SELENOM: variants seen among roughly 807,000 people sequenced by gnomAD.
SELENOM encodes the protein selenoprotein M.
SELENOM carries 17 observed loss-of-function variants against 14.5 expected under a neutral mutation model. That is an observed-to-expected ratio of 1.17 (90% CI 0.80 to 1.76). The LOEUF (loss-of-function observed/expected upper bound fraction) is 1.76. SELENOM is among the 40% of genes most tolerant of loss of function. The pLI is 0.00. For synonymous variants in SELENOM, 102 were observed against 93.3 expected (o/e 1.09, Z -0.54); for missense variants, 230 against 204.6 (o/e 1.12, Z -0.76).
chr22:31,107,265 A>T, intron 1 of SELENOM, 112 bp downstream of exon 1: 2 of 1,317,910 alleles, frequency 1.5e-6, no homozygotes, highest in Non-Finnish European at 2.0e-6. Context: ...GCCAGGGGGA[A>T]AGCAGGGAGA....
At chr22:31,106,510 C>A in intron 1 of SELENOM, 1 of 168,514 alleles carries the variant, frequency 5.9e-6, no homozygotes, top group Middle Eastern at 5.1e-4. Context: ...GGGAGGGCTC[C>A]TCCCTGCCTT....
At chr22:31,107,267 G>T in intron 1 of SELENOM, 110 bp downstream of exon 1, 2 of 1,333,328 alleles carry the variant, frequency 1.5e-6, no homozygotes, top group Non-Finnish European at 2.0e-6. Context: ...CAGGGGGAAA[G>T]CAGGGAGACT....
chr22:31,104,826 T>TG lies in SELENOM; in HGVS notation c.*143dup, dbSNP rs1183445342. ...AGCTGGGGAAGGAAGAAAGTGGGGT[T>TG]GGGAGAACCTCCCCAACCCCATCCC... On this transcript the variant is annotated 3_prime_UTR_variant, in exon 5 of 5. Coordinates refer to ENST00000400299, the MANE Select transcript of SELENOM (RefSeq NM_080430.4). The TG allele has an allele frequency of 2.6e-6, 2 of 766,812 alleles. No individual in the cohort carries two copies. Among genetic ancestry groups the TG allele is most frequent in the South Asian group, 4.0e-5 (2 of 49,816 alleles). The allele number at this position is 766,812 out of a possible 1,614,324, so 47.5% of individuals were successfully genotyped here.
chr22:31,104,815 G>C lies in SELENOM; in HGVS notation c.*155C>G. On this transcript the variant is annotated 3_prime_UTR_variant, in exon 5 of 5. Coordinates refer to ENST00000400299, the MANE Select transcript of SELENOM (RefSeq NM_080430.4). ...GAATTTAGTGGAGCTGGGGAAGGAA[G>C]AAAGTGGGGTTGGGAGAACCTCCCC... The C allele has an allele frequency of 1.3e-6, 1 of 759,384 alleles. No homozygotes were observed. Among genetic ancestry groups the C allele is most frequent in the Non-Finnish European group, 2.0e-6 (1 of 499,356 alleles). 47.0% of individuals were successfully genotyped at this position (759,384 alleles called of 1,614,324 possible).
intron 1 of SELENOM, chr22:31,106,823 A>C: frequency 6.6e-6 from 1 of 152,280 alleles, no homozygotes. Context: ...CCGAACGGGA[A>C]TTTCCTGGTT....
chr22:31,105,382 G>T, intron 3 of SELENOM, 96 bp from the exon 4 acceptor site: 1 of 1,295,864 alleles, frequency 7.7e-7, no homozygotes, highest in Non-Finnish European at 1.1e-6. Flanking sequence ...TTTGCTCAGA[G>T]CTTACTCTGT....
Position 31,107,332 on chromosome 22 carries a change from G to A in SELENOM, c.129+45C>T, listed in dbSNP as rs773041642. Reference sequence around the variant, plus strand: ...CGGACGGTGCTCCCATGGGGCCGCAGGGTTGGGGAACGATAGTGCCGGGGC... The same window carrying A: ...CGGACGGTGCTCCCATGGGGCCGCAAGGTTGGGGAACGATAGTGCCGGGGC... On this transcript the variant is annotated intron_variant, in intron 1 of 4. Transcript: ENST00000400299. The A allele has an allele frequency of 8.9e-6, 14 of 1,565,520 alleles. No homozygotes were observed. The South Asian group carries it at 1.6e-4, about 18-fold the overall frequency.
chr22:31,105,552 C>G lies in SELENOM; in HGVS notation c.200+106G>C, dbSNP rs912730491. 5 of 1,187,624 alleles carry G rather than the reference C, an allele frequency of 4.2e-6. No individual in the cohort carries two copies. The African/African-American group carries it at 7.5e-5, about 18-fold the overall frequency. 73.6% of individuals were successfully genotyped at this position (1,187,624 alleles called of 1,614,324 possible). On this transcript the variant is annotated intron_variant, in intron 3 of 4. Coordinates refer to ENST00000400299, the MANE Select transcript of SELENOM (RefSeq NM_080430.4). ...GAATCCTCTGGGAGCCACTACCAAT[C>G]AATTCAACTTGTCAGTTGAAAACCA...
Position 31,107,467 on chromosome 22 carries a change from A to AAGC in SELENOM, c.36_38dup (p.Leu14dup), listed in dbSNP as rs779018553. 1.3e-6 allele frequency: 2 copies of AAGC among 1,560,650 alleles called. No homozygotes were observed. Among genetic ancestry groups the AAGC allele is most frequent in the Non-Finnish European group, 1.7e-6 (2 of 1,155,208 alleles). The stretch of plus-strand genomic sequence containing the variant: ...TGGCTGGGGCCACAAGCGCCGCGAG[A>AAGC]AGCAGCAGCAGCGCCAGCGGAGGCA... On this transcript the variant is annotated inframe_insertion, in exon 1 of 5. Transcript: ENST00000400299.
At chr22:31,107,348 G>A (rs763453718) in intron 1 of SELENOM, 29 bp downstream of exon 1, 1 of 1,581,966 alleles carries the variant, frequency 6.3e-7, no homozygotes. Flanking sequence ...GGGAACGATA[G>A]TGCCGGGGCT....
At chr22:31,107,196 G>A in intron 1 of SELENOM, 181 bp downstream of exon 1, 1 of 753,222 alleles carries the variant, frequency 1.3e-6, no homozygotes, top group Non-Finnish European at 2.0e-6. Flanking sequence ...GGTGTCTCAG[G>A]CTTCCACGGT....
chr22:31,106,298 G>C (rs755119051), intron 1 of SELENOM: 1 of 401,536 alleles, frequency 2.5e-6, no homozygotes, highest in East Asian at 5.0e-5. Flanking sequence ...CTCTTAAGCA[G>C]TAGAGACCTG....
Position 31,105,105 on chromosome 22 carries a change from G to T in SELENOM, c.303C>A (p.Thr101=). ...GCACTAGCGCATTGATCTCTTCGCG[G>T]GTCATTTCACTGAGTGGGATGCGCT... ...ELERIPLSEM[T]REEINALVQE... is the part of the protein sequence containing the mutation. Residue 101 remains threonine, a synonymous_variant, in exon 5 of 5, where the codon ACC becomes ACA. Coordinates refer to ENST00000400299, the MANE Select transcript of SELENOM (RefSeq NM_080430.4). 1 of 1,613,448 alleles carries T rather than the reference G, an allele frequency of 6.2e-7. No homozygotes were observed. Among genetic ancestry groups the T allele is most frequent in the Non-Finnish European group, 8.5e-7 (1 of 1,179,832 alleles).
At chr22:31,107,112 G>A in intron 1 of SELENOM, 1 of 460,766 alleles carries the variant, frequency 2.2e-6, no homozygotes, top group Non-Finnish European at 3.9e-6. Context: ...GACTGCGTCA[G>A]TGTGTCTGGG....
intron 3 of SELENOM, 130 bp from the exon 4 acceptor site, chr22:31,105,416 GC>G: frequency 1.0e-6 from 1 of 955,546 alleles, no homozygotes; most frequent in South Asian, 1.6e-5. Context: ...CAGGGTCTCC[GC>G]TTATACGTGA....
chr22:31,107,225 G>A (rs1019649531), intron 1 of SELENOM, 152 bp downstream of exon 1: 7 of 992,956 alleles, frequency 7.0e-6, no homozygotes, highest in African/African-American at 5.1e-5. Flanking sequence ...GGGCCATCTG[G>A]GGCTAGGGAA....
At position 31,104,860 on chromosome 22, in the gene SELENOM, C is replaced by G; in HGVS notation, c.*110G>C. The G allele has an allele frequency of 7.9e-7, 1 of 1,271,336 alleles. No individual in the cohort carries two copies. Among genetic ancestry groups the G allele is most frequent in the Non-Finnish European group, 1.1e-6 (1 of 945,090 alleles). 78.8% of individuals were successfully genotyped at this position (1,271,336 alleles called of 1,614,324 possible). A position where few individuals can be genotyped will look rare whatever the true frequency, so the allele number is the denominator to read the frequency against. ...CTCCCCAACCCCATCCCTGCTGGCC[C>G]GGGGACGGGCATCGGCTCTCAGCAA... On this transcript the variant is annotated 3_prime_UTR_variant, in exon 5 of 5. Transcript: ENST00000400299.
At chr22:31,107,333 G>C (rs575200020) in intron 1 of SELENOM, 44 bp downstream of exon 1, 2 of 1,566,428 alleles carry the variant, frequency 1.3e-6, no homozygotes, top group South Asian at 1.2e-5. Flanking sequence ...GGGGCCGCAG[G>C]GTTGGGGAAC....
At position 31,105,253 on chromosome 22, in the gene SELENOM, G is replaced by A. The variant is rs759028712; in HGVS notation, c.234C>T (p.Ala78=). ...HNLVMKHLPG[A]DPELVLLGRR... ...GGCCCAGCAGCACGAGCTCAGGGTCGGCCCCAGGGAGGTGTTTCATCACCA... is the reference window on the plus strand; with the variant it reads ...GGCCCAGCAGCACGAGCTCAGGGTCAGCCCCAGGGAGGTGTTTCATCACCA... The change falls in exon 4 of 5, where the codon GCC becomes GCT. Residue 78 remains alanine, a synonymous_variant. Coordinates refer to ENST00000400299, the MANE Select transcript of SELENOM (RefSeq NM_080430.4). The A allele has an allele frequency of 1.2e-6, 2 of 1,612,840 alleles. No individual in the cohort carries two copies. Among genetic ancestry groups the A allele is most frequent in the East Asian group, 4.5e-5 (2 of 44,846 alleles).
Sources: gnomAD v4.1 joint callset for allele counts on GRCh38, gnomAD v4.1.1 for gene constraint, MANE v1.5 for transcripts, NCBI Gene and HGNC (gene_info 2026-07-23, HGNC 2026-07-21) for gene names.